The following PPARGC1A variants were observed in gnomAD, a reference collection of about 807,000 sequenced individuals.
PPARGC1A encodes the protein PPARG coactivator 1 alpha.
In PPARGC1A, 25 loss-of-function variants were observed where a neutral mutation model predicts 88.7. That is an observed-to-expected ratio of 0.28 (90% CI 0.21 to 0.39). PPARGC1A has a LOEUF of 0.39. Ranked by LOEUF, PPARGC1A falls within the 10% of genes least tolerant of loss-of-function variation. The pLI is 1.00. For missense variants in PPARGC1A, 880 were observed against 968.7 expected (o/e 0.91, Z 1.22); for synonymous variants, 363 against 355.6 (o/e 1.02, Z -0.24).
At chr4:24,468,109 T>A in the PPARGC1A span, among the ~76,000 whole-genome samples, 1 of 152,172 alleles carries the variant, frequency 6.6e-6, no homozygotes, top group Non-Finnish European at 1.5e-5. Context: ...CTGCTTCGAT[T>A]TGGGCTTACA....
chr4:24,238,404 A>C, the PPARGC1A span, among the ~76,000 whole-genome samples: 2 of 152,188 alleles, frequency 1.3e-5, no homozygotes, highest in African/African-American at 4.8e-5. Context: ...TTCTTAGAGT[A>C]TCTTATTTGC....
chr4:24,002,095 C>CAGAGAGAGAGAGAGAG, the PPARGC1A span, among the ~76,000 whole-genome samples: 261 of 116,870 alleles, frequency 2.2e-3, no homozygotes, highest in South Asian at 6.3e-3. Context: ...CACACACACA[C>CAGAGAGAGAGAGAGAG]ACAGAGAGAG....
At chr4:23,875,504 T>C (rs1201751222) in intron 2 of PPARGC1A, among the ~76,000 whole-genome samples, 1 of 151,900 alleles carries the variant, frequency 6.6e-6, no homozygotes, top group Admixed American at 6.6e-5. Flanking sequence ...AAATCCAACC[T>C]ACGAGATAAC....
intron 10 of PPARGC1A, among the ~76,000 whole-genome samples, chr4:23,807,045 T>C (rs1719933800): frequency 6.6e-6 from 1 of 152,196 alleles, no homozygotes; most frequent in South Asian, 2.1e-4. Context: ...AAAAATCTTT[T>C]TTTCTATGCT....
intron 2 of PPARGC1A, among the ~76,000 whole-genome samples, chr4:23,863,157 C>A (rs184119440): frequency 1.6e-3 from 247 of 152,222 alleles, no homozygotes; most frequent in African/African-American, 5.4e-3. Flanking sequence ...TTCGGGAAGT[C>A]TGCCATATGC....
chr4:24,384,372 C>T, the PPARGC1A span, among the ~76,000 whole-genome samples: 1 of 152,004 alleles, frequency 6.6e-6, no homozygotes, highest in Non-Finnish European at 1.5e-5. Flanking sequence ...GGATCAAATT[C>T]ACACATAACA....
the PPARGC1A span, among the ~76,000 whole-genome samples, chr4:24,030,638 C>G: frequency 1.3e-5 from 2 of 152,206 alleles, no homozygotes. Flanking sequence ...ACAATTCTCA[C>G]TTGTGTTAAA....
At chr4:24,216,564 CT>C in the PPARGC1A span, among the ~76,000 whole-genome samples, 2 of 152,098 alleles carry the variant, frequency 1.3e-5, no homozygotes, top group East Asian at 1.9e-4. Flanking sequence ...TCCGCTGAGA[CT>C]TTTTTTGCCC....
the PPARGC1A span, among the ~76,000 whole-genome samples, chr4:24,303,339 C>T: frequency 2.0e-5 from 3 of 152,122 alleles, no homozygotes; most frequent in African/African-American, 7.2e-5. Flanking sequence ...ACAACACACG[C>T]AGTACATCTG....
At chr4:23,980,318 C>A in the PPARGC1A span, among the ~76,000 whole-genome samples, 3 of 151,748 alleles carry the variant, frequency 2.0e-5, no homozygotes, top group Non-Finnish European at 4.4e-5. Flanking sequence ...TTTTAAAAAT[C>A]ATTATTCCTC....
the PPARGC1A span, among the ~76,000 whole-genome samples, chr4:24,203,210 G>A: frequency 6.6e-6 from 1 of 152,210 alleles, no homozygotes; most frequent in Non-Finnish European, 1.5e-5. Context: ...CGCCAGGCAA[G>A]TAAGAGCACA....
At chr4:24,009,512 G>A in the PPARGC1A span, among the ~76,000 whole-genome samples, 2 of 152,324 alleles carry the variant, frequency 1.3e-5, no homozygotes, top group Admixed American at 1.3e-4. Context: ...GACAGGCAGT[G>A]AGAAGCTGCG....
At chr4:23,822,096 G>C (rs1173961693) in intron 7 of PPARGC1A, among the ~76,000 whole-genome samples, 1 of 152,056 alleles carries the variant, frequency 6.6e-6, no homozygotes, top group East Asian at 1.9e-4. Flanking sequence ...ACTTTGAAAT[G>C]GAGGAAACTG....
the PPARGC1A span, among the ~76,000 whole-genome samples, chr4:24,121,529 C>A: frequency 6.6e-6 from 1 of 152,072 alleles, no homozygotes; most frequent in Non-Finnish European, 1.5e-5. Flanking sequence ...CCAGAGACCT[C>A]CGCCATACCC....
the PPARGC1A span, among the ~76,000 whole-genome samples, chr4:24,266,476 C>A: frequency 6.6e-6 from 1 of 152,050 alleles, no homozygotes; most frequent in Admixed American, 6.5e-5. Context: ...TCCAAGGTGC[C>A]TGGAATTGTT....
chr4:24,470,984 G>A, the PPARGC1A span, among the ~76,000 whole-genome samples: 1 of 151,496 alleles, frequency 6.6e-6, no homozygotes, highest in Admixed American at 6.6e-5. This position sits in a 1 kb window ranked among gnomAD's most constrained non-coding sequence, Gnocchi z 5.8. Flanking sequence ...CTTCTCTGCC[G>A]GGAGCTCGCA....
At chr4:24,456,955 C>T in the PPARGC1A span, among the ~76,000 whole-genome samples, 2 of 152,150 alleles carry the variant, frequency 1.3e-5, no homozygotes, top group Admixed American at 6.5e-5. Context: ...ATGCTGAAGA[C>T]CACCCTGATG....
At chr4:23,947,374 TATATATATATATATATATATATAA>T in the PPARGC1A span, among the ~76,000 whole-genome samples, 48 of 80,804 alleles carry the variant, frequency 5.9e-4, 2 homozygotes, top group Middle Eastern at 7.1e-3. Flanking sequence ...TATATATATA[TATATATATATATATATATATATAA>T]AAAAAACGGT....
chr4:24,445,060 AAGAG>A, the PPARGC1A span, among the ~76,000 whole-genome samples: 328 of 151,170 alleles, frequency 2.2e-3, 1 homozygote, highest in Admixed American at 4.0e-3. Flanking sequence ...CTCAAAAAAA[AAGAG>A]AGAGAGAGAG....
Sources: allele counts gnomAD v4.1 joint callset (sites outside exome capture counted in the v4.1 genomes callset), GRCh38; gene constraint gnomAD v4.1.1; non-coding constraint Gnocchi (gnomAD v3.1); transcripts MANE v1.5; gene names NCBI Gene and HGNC (gene_info 2026-07-23, HGNC 2026-07-21).